Variants in RBFOX1 observed in about 807,000 individuals in gnomAD.
The protein encoded by RBFOX1 is RNA binding fox-1 homolog 1, also known as RNA binding protein fox-1 homolog 1.
Under a neutral mutation model 57.7 loss-of-function variants are expected in RBFOX1, and 8 were observed. That is an observed-to-expected ratio of 0.14 (90% CI 0.08 to 0.25). The LOEUF is 0.25. Ranked by LOEUF, RBFOX1 falls within the 10% of genes least tolerant of loss-of-function variation. The pLI, the probability that RBFOX1 is intolerant of heterozygous loss-of-function variation, is 1.00. For missense variants in RBFOX1, 611 were observed against 548.5 expected (o/e 1.11, Z -1.14); for synonymous variants, 326 against 222.4 (o/e 1.47, Z -4.15).
At chr16:6,648,461 G>T (rs781545218) in intron 2 of RBFOX1, among the ~76,000 whole-genome samples, 1 of 152,058 alleles carries the variant, frequency 6.6e-6, no homozygotes, top group Non-Finnish European at 1.5e-5. Flanking sequence ...CTGAAGGACC[G>T]CATGGTTATT....
At chr16:5,425,515 C>A (rs1218208026) in intron 1 of RBFOX1, among the ~76,000 whole-genome samples, 3 of 152,158 alleles carry the variant, frequency 2.0e-5, no homozygotes, top group Non-Finnish European at 4.4e-5. Flanking sequence ...GGAAAGAGGA[C>A]CCAGAGATGC....
intron 3 of RBFOX1, among the ~76,000 whole-genome samples, chr16:6,845,226 G>C (rs1277378214): frequency 6.6e-6 from 1 of 151,364 alleles, no homozygotes; most frequent in Non-Finnish European, 1.5e-5. Flanking sequence ...AATTGCTTTT[G>C]GCATTTTCGT....
chr16:7,107,299 C>A (rs1171983582), intron 4 of RBFOX1, among the ~76,000 whole-genome samples: 1 of 152,024 alleles, frequency 6.6e-6, no homozygotes, highest in African/African-American at 2.4e-5. Context: ...GATGTAAATG[C>A]CTTCTGGGGC....
In RBFOX1 at chr16:5,284,858, A is replaced by C. The variant is rs77124756; in HGVS notation, c.219+44753A>C. Among the ~76,000 whole-genome samples, 1,888 of 140,178 alleles carry C rather than the reference A, an allele frequency of 0.013. 110 individuals are homozygous for C. The East Asian group carries it at 0.2, about 15-fold the overall frequency. The allele number at this position is 140,178 out of a possible 152,430, so 92.0% of individuals were successfully genotyped here. A position where few individuals can be genotyped will look rare whatever the true frequency, so the allele number is the denominator to read the frequency against. On this transcript the variant is annotated intron_variant, in intron 1 of 2. Transcript: ENST00000585867. ...CTGTTAGCCTGATGGAGATTCTCTT[A>C]TAAGGGACTTCATGCTTTTCTCTTG...
At chr16:7,459,306 A>G (rs1237980975) in intron 4 of RBFOX1, among the ~76,000 whole-genome samples, 1 of 152,194 alleles carries the variant, frequency 6.6e-6, no homozygotes, top group Non-Finnish European at 1.5e-5. Flanking sequence ...CTTTCTGGAG[A>G]AAGTCCAGAG....
At chr16:7,695,335 C>T (rs1345965825) in intron 14 of RBFOX1, among the ~76,000 whole-genome samples, 1 of 152,134 alleles carries the variant, frequency 6.6e-6, no homozygotes, top group Non-Finnish European at 1.5e-5. Context: ...ACTGCTCAGT[C>T]AACAAAGGTT....
intron 1 of RBFOX1, among the ~76,000 whole-genome samples, chr16:5,286,341 A>G (rs1025568767): frequency 3.3e-5 from 5 of 151,700 alleles, no homozygotes; most frequent in Admixed American, 2.0e-4. Flanking sequence ...TGGCATTCTG[A>G]TCTCTAGTTC....
chr16:6,988,081 A>G (rs186944350), intron 3 of RBFOX1, among the ~76,000 whole-genome samples: 54 of 152,260 alleles, frequency 3.5e-4, no homozygotes, highest in Non-Finnish European at 5.9e-4. Flanking sequence ...AGTAAATGGT[A>G]AAACCAAGAA....
At chr16:6,908,187 T>C (rs2070581518) in intron 3 of RBFOX1, among the ~76,000 whole-genome samples, 1 of 151,652 alleles carries the variant, frequency 6.6e-6, no homozygotes, top group South Asian at 2.1e-4. Context: ...ATCCGTGCAG[T>C]TCAGATTATT....
chr16:7,232,817 C>T (rs973172382), intron 4 of RBFOX1, among the ~76,000 whole-genome samples: 6 of 146,592 alleles, frequency 4.1e-5, no homozygotes, highest in Admixed American at 1.4e-4. Context: ...CATTACACTC[C>T]AGCCTGGACA....
chr16:7,480,990 G>A (rs572213952), intron 4 of RBFOX1, among the ~76,000 whole-genome samples: 7 of 152,282 alleles, frequency 4.6e-5, no homozygotes, highest in African/African-American at 1.7e-4. Flanking sequence ...GCTGCTACCT[G>A]CCATGCATGA....
intron 3 of RBFOX1, among the ~76,000 whole-genome samples, chr16:5,734,695 A>G (rs556468729): frequency 3.0e-4 from 45 of 152,290 alleles, no homozygotes; most frequent in Non-Finnish European, 6.2e-4. Flanking sequence ...GCTATTGGGC[A>G]GCAGCTCTCA....
intron 11 of RBFOX1, among the ~76,000 whole-genome samples, chr16:7,636,918 C>G (rs1193815208): frequency 1.3e-5 from 2 of 152,150 alleles, no homozygotes; most frequent in East Asian, 3.9e-4. Context: ...GAAGGGCCCA[C>G]CCTCAGGACC....
chr16:7,263,668 G>C (rs1330540432), intron 4 of RBFOX1, among the ~76,000 whole-genome samples: 3 of 152,054 alleles, frequency 2.0e-5, no homozygotes, highest in Non-Finnish European at 4.4e-5. Flanking sequence ...GGCCGAGGCA[G>C]GTGGATTACA....
At chr16:6,279,547 A>G (rs1478841794) in intron 1 of RBFOX1, among the ~76,000 whole-genome samples, 2 of 152,186 alleles carry the variant, frequency 1.3e-5, no homozygotes, top group East Asian at 1.9e-4. Flanking sequence ...AATCCCTCTG[A>G]TACGCTTGTG....
At chr16:5,667,310 G>A (rs771313843) in intron 3 of RBFOX1, among the ~76,000 whole-genome samples, 4 of 152,200 alleles carry the variant, frequency 2.6e-5, no homozygotes. Context: ...ATACGTACAT[G>A]TAAGGCTATA....
intron 3 of RBFOX1, among the ~76,000 whole-genome samples, chr16:7,033,532 C>T (rs1484085962): frequency 6.6e-6 from 1 of 152,080 alleles, no homozygotes; most frequent in Non-Finnish European, 1.5e-5. Flanking sequence ...AAACTGAAAA[C>T]AATGGTGAAT....
At chr16:6,322,750 G>T (rs1353424353) in intron 2 of RBFOX1, among the ~76,000 whole-genome samples, 2 of 152,184 alleles carry the variant, frequency 1.3e-5, no homozygotes, top group African/African-American at 4.8e-5. Context: ...AGTGGAAGAG[G>T]TTAAAAGGCG....
At chr16:5,446,567 C>T (rs1439177406) in intron 1 of RBFOX1, among the ~76,000 whole-genome samples, 3 of 152,060 alleles carry the variant, frequency 2.0e-5, no homozygotes, top group Non-Finnish European at 2.9e-5. Flanking sequence ...TCCTGTTTTT[C>T]TTCTGGTGGG....
Sources: gnomAD v4.1 joint callset for allele counts (sites outside exome capture counted in the v4.1 genomes callset) on GRCh38, gnomAD v4.1.1 for gene constraint, MANE v1.5 for transcripts, NCBI Gene and HGNC (gene_info 2026-07-23, HGNC 2026-07-21) for gene names.